RAB7A: variants seen among roughly 807,000 people sequenced by gnomAD.
The protein encoded by RAB7A is RAB7A, member RAS oncogene family, also known as ras-related protein Rab-7a.
A neutral mutation model predicts 24.5 loss-of-function variants in RAB7A; 2 were observed. The observed-to-expected ratio is 0.08, with a 90% CI of 0.03 to 0.26. The LOEUF is 0.26. Ranked by LOEUF, RAB7A falls within the 10% of genes least tolerant of loss-of-function variation. The pLI is 1.00. For missense variants in RAB7A, 118 were observed against 255.7 expected (o/e 0.46, Z 3.67); for synonymous variants, 100 against 95.9 (o/e 1.04, Z -0.25).
At chr3:128,755,875 G>A (rs1369947232) in intron 1 of RAB7A, among the ~76,000 whole-genome samples, 1 of 151,912 alleles carries the variant, frequency 6.6e-6, no homozygotes, top group Non-Finnish European at 1.5e-5. Context: ...CCATTAACTC[G>A]TCATTTAGCA....
At chr3:128,737,904 G>A (rs1043332202) in intron 1 of RAB7A, among the ~76,000 whole-genome samples, 2 of 133,822 alleles carry the variant, frequency 1.5e-5, no homozygotes, top group African/African-American at 2.8e-5. Context: ...TCAAACTCTA[G>A]GCCTCAAGTG....
chr3:128,731,304 C>T (rs185448592), intron 1 of RAB7A, among the ~76,000 whole-genome samples: 58 of 152,174 alleles, frequency 3.8e-4, no homozygotes, highest in African/African-American at 1.3e-3. Context: ...AATAGTGTCC[C>T]TTATATGTGG....
intron 1 of RAB7A, chr3:128,764,880 A>G: frequency 5.8e-6 from 8 of 1,371,872 alleles, no homozygotes; most frequent in Non-Finnish European, 7.2e-6. Context: ...TCAAAGCCAC[A>G]TCATCGCGGT....
rs73862535 is a variant in RAB7A, at chr3:128,741,211, C to G, written c.-9+14852C>G. ...AACTTTATATGGCAAGAATTTTGAT[C>G]CTTTTCGTGTTGCAAACATTATTCC... On this transcript the variant is annotated intron_variant, in intron 1 of 5. Transcript: ENST00000265062. 4.8e-3 allele frequency among the ~76,000 whole-genome samples: 736 copies of G among 152,132 alleles called. 5 individuals carry two copies. The highest frequency in any genetic ancestry group is 0.017 in the African/African-American group (710 of 41,514).
intron 1 of RAB7A, among the ~76,000 whole-genome samples, chr3:128,737,864 T>G (rs1443868561): frequency 2.7e-4 from 33 of 120,402 alleles, no homozygotes; most frequent in South Asian, 5.9e-4. Context: ...TTTTAAGAGA[T>G]AGAGTTTCAC....
chr3:128,755,407 A>G (rs1203910982), intron 1 of RAB7A, among the ~76,000 whole-genome samples: 1 of 152,216 alleles, frequency 6.6e-6, no homozygotes, highest in African/African-American at 2.4e-5. Flanking sequence ...TAAAAAAAGG[A>G]TGAAGATCTC....
At chr3:128,765,056 G>C in intron 1 of RAB7A, 1 of 1,175,690 alleles carries the variant, frequency 8.5e-7, no homozygotes, top group Non-Finnish European at 1.2e-6. Context: ...TGGCTGCGCG[G>C]CGCTGGAGCG....
intron 3 of RAB7A, among the ~76,000 whole-genome samples, chr3:128,805,623 A>G (rs1471669110): frequency 6.6e-6 from 1 of 152,178 alleles, no homozygotes; most frequent in South Asian, 2.1e-4. Flanking sequence ...ATGAAATATA[A>G]CATGCTAATC....
intron 1 of RAB7A, among the ~76,000 whole-genome samples, chr3:128,729,567 CTCAA>C (rs2070413872): frequency 2.6e-5 from 3 of 116,808 alleles, no homozygotes; most frequent in African/African-American, 1.3e-4. Context: ...GAGACTTCTT[CTCAA>C]AAAAAAAAAA....
intron 2 of RAB7A, among the ~76,000 whole-genome samples, 176 bp from the exon 3 acceptor site, chr3:128,797,767 G>C (rs1376248676): frequency 6.6e-6 from 1 of 152,220 alleles, no homozygotes; most frequent in Non-Finnish European, 1.5e-5. Flanking sequence ...TACCCAGAGA[G>C]AAAACACAAA....
chr3:128,771,875 C>A (rs1345768086), intron 1 of RAB7A, among the ~76,000 whole-genome samples: 1 of 152,166 alleles, frequency 6.6e-6, no homozygotes, highest in South Asian at 2.1e-4. Flanking sequence ...TTTGTGTAAC[C>A]ATTTTGTAGA....
intron 1 of RAB7A, among the ~76,000 whole-genome samples, chr3:128,775,092 C>T (rs1933056495): frequency 6.6e-6 from 1 of 152,220 alleles, no homozygotes; most frequent in African/African-American, 2.4e-5. Flanking sequence ...GACATCCCTT[C>T]TTAATGTCCT....
chr3:128,786,203 T>G (rs1219952482), intron 1 of RAB7A, among the ~76,000 whole-genome samples: 1 of 152,190 alleles, frequency 6.6e-6, no homozygotes, highest in African/African-American at 2.4e-5. Context: ...GGAAAGTCTG[T>G]AGTACAGTCC....
intron 1 of RAB7A, chr3:128,765,129 G>GCGGC (rs1476316253): frequency 1.4e-6 from 1 of 717,240 alleles, no homozygotes; most frequent in Admixed American, 2.0e-5. Context: ...CTGGCTACGG[G>GCGGC]CGGCCGGCCG....
chr3:128,745,033 C>G (rs1051778260), intron 1 of RAB7A, among the ~76,000 whole-genome samples: 12 of 152,018 alleles, frequency 7.9e-5, no homozygotes, highest in African/African-American at 2.7e-4. Flanking sequence ...GCCACCACAC[C>G]TGGCTAATTT....
chr3:128,792,879 C>T (rs181092457), intron 1 of RAB7A, among the ~76,000 whole-genome samples: 163 of 151,318 alleles, frequency 1.1e-3, no homozygotes, highest in Admixed American at 2.5e-3. Context: ...GAGACAGTGC[C>T]TCGCACTGTC....
intron 1 of RAB7A, among the ~76,000 whole-genome samples, chr3:128,755,216 T>C (rs998046442): frequency 6.6e-6 from 1 of 152,078 alleles, no homozygotes; most frequent in African/African-American, 2.4e-5. Flanking sequence ...AACTGGAGAC[T>C]TTATGTAAAT....
chr3:128,794,669 AG>A (rs1933529661), intron 1 of RAB7A, among the ~76,000 whole-genome samples: 1 of 152,172 alleles, frequency 6.6e-6, no homozygotes. Context: ...CCTGGAAGAC[AG>A]TTGAGCAGAG....
At chr3:128,785,193 T>C (rs1476404060) in intron 1 of RAB7A, 3 of 152,306 alleles carry the variant, frequency 2.0e-5, no homozygotes, top group African/African-American at 7.2e-5. Context: ...CTCAGGAGGC[T>C]GAGGCAGGAG....
Sources: allele counts gnomAD v4.1 joint callset (sites outside exome capture counted in the v4.1 genomes callset), GRCh38; gene constraint gnomAD v4.1.1; transcripts MANE v1.5; gene names NCBI Gene and HGNC (gene_info 2026-07-23, HGNC 2026-07-21).